The following CCDC88A variants were observed in gnomAD, a reference collection of about 807,000 sequenced individuals.
CCDC88A encodes the protein girdin.
In CCDC88A, 54 loss-of-function variants were observed where a neutral mutation model predicts 234.3. The ratio of observed to expected loss-of-function variants is 0.23; its 90% CI spans 0.19 to 0.29. CCDC88A has a LOEUF of 0.29. Ranked by LOEUF, CCDC88A falls within the 10% of genes least tolerant of loss-of-function variation. The probability of loss-of-function intolerance (pLI) is 1.00; values close to 1 mark genes in which losing one functional copy is unlikely to be tolerated. For missense variants in CCDC88A, 1,832 were observed against 2,123.4 expected (o/e 0.86, Z 2.70); for synonymous variants, 753 against 737.8 (o/e 1.02, Z -0.33).
chr2:55,288,631 C>T lies in CCDC88A; in HGVS notation c.*2569G>A, dbSNP rs1282987685. On this transcript the variant is annotated 3_prime_UTR_variant, in exon 33 of 33. Coordinates refer to ENST00000436346, the MANE Select transcript of CCDC88A (RefSeq NM_001365480.1). ...CCTGTTTTGTGAACTCTTTGGTAAC[C>T]ACCAATTTAAAAATTTGGATGAAAG... 1 of 152,712 alleles carries T rather than the reference C, an allele frequency of 6.5e-6. No homozygotes were observed. Among genetic ancestry groups the T allele is most frequent in the East Asian group, 1.9e-4 (1 of 5,194 alleles). The allele number at this position is 152,712 out of a possible 1,614,324, so 9.5% of individuals were successfully genotyped here. A position where few individuals can be genotyped will look rare whatever the true frequency, so the allele number is the denominator to read the frequency against.
intron 7 of CCDC88A, among the ~76,000 whole-genome samples, chr2:55,358,748 T>G (rs967197369): frequency 6.6e-6 from 1 of 151,894 alleles, no homozygotes; most frequent in African/African-American, 2.4e-5. Flanking sequence ...TCTATGTTCT[T>G]CAAAGATATA....
intron 2 of CCDC88A, chr2:55,417,878 T>G (rs1024020784): frequency 6.6e-6 from 1 of 152,074 alleles, no homozygotes; most frequent in Non-Finnish European, 1.5e-5. Flanking sequence ...CCCATACATA[T>G]AAAAGTTCCA....
chr2:55,330,911 T>TGTTGCCCTTC (rs1684842083), intron 16 of CCDC88A, among the ~76,000 whole-genome samples: 1 of 151,996 alleles, frequency 6.6e-6, no homozygotes, highest in Non-Finnish European at 1.5e-5. Flanking sequence ...GAATGCCCTT[T>TGTTGCCCTTC]CCCACTGTTC....
chr2:55,358,608 C>T (rs148495701), intron 7 of CCDC88A, among the ~76,000 whole-genome samples: 1 of 152,128 alleles, frequency 6.6e-6, no homozygotes, highest in Admixed American at 6.6e-5. Flanking sequence ...CAGTAAATGA[C>T]CTCTCCTCCA....
intron 5 of CCDC88A, among the ~76,000 whole-genome samples, chr2:55,368,292 A>G (rs772944690): frequency 3.9e-5 from 6 of 152,210 alleles, no homozygotes; most frequent in Non-Finnish European, 8.8e-5. Flanking sequence ...ACATATAATC[A>G]AGGATTAAAA....
chr2:55,361,035 G>A (rs538824468), intron 7 of CCDC88A, among the ~76,000 whole-genome samples: 14 of 151,990 alleles, frequency 9.2e-5, no homozygotes, highest in East Asian at 1.9e-4. Context: ...GCAGTGAGCC[G>A]AGACCACACC....
intron 8 of CCDC88A, 117 bp downstream of exon 8, chr2:55,355,462 C>G: frequency 1.2e-6 from 1 of 866,394 alleles, no homozygotes; most frequent in Admixed American, 2.2e-5. Context: ...TTATTTTTCT[C>G]ATTTACTTGT....
intron 3 of CCDC88A, among the ~76,000 whole-genome samples, chr2:55,387,615 C>T (rs1162472609): frequency 6.6e-6 from 1 of 151,686 alleles, no homozygotes; most frequent in South Asian, 2.1e-4. Flanking sequence ...AACCCTGTCT[C>T]TACTGAAAAC....
intron 12 of CCDC88A, 112 bp downstream of exon 12, chr2:55,343,536 G>C: frequency 1.3e-6 from 1 of 759,128 alleles, no homozygotes. Flanking sequence ...TATCTATGGA[G>C]ACAGGTAGTC....
chr2:55,388,687 A>C (rs191150906), intron 3 of CCDC88A, 91 bp downstream of exon 3: 23 of 611,190 alleles, frequency 3.8e-5, no homozygotes, highest in African/African-American at 3.5e-4. Flanking sequence ...GCATATAATA[A>C]GCGTTTAAAT....
chr2:55,291,611 CACTT>C, intron 32 of CCDC88A, 61 bp downstream of exon 32: 2 of 666,170 alleles, frequency 3.0e-6, no homozygotes, highest in South Asian at 4.3e-5. Context: ...ACTTGTTTCA[CACTT>C]AATTTGGTTA....
intron 9 of CCDC88A, among the ~76,000 whole-genome samples, chr2:55,348,131 T>C (rs1669404675): frequency 6.6e-6 from 1 of 151,690 alleles, no homozygotes. Context: ...GTGCAGCTAA[T>C]TTTTTCATTT....
chr2:55,343,851 C>G (rs1296116109), intron 11 of CCDC88A, 59 bp from the exon 12 acceptor site: 3 of 1,316,376 alleles, frequency 2.3e-6, no homozygotes, highest in African/African-American at 3.0e-5. Context: ...CAATTTTGAG[C>G]AAATACTTTA....
intron 2 of CCDC88A, among the ~76,000 whole-genome samples, chr2:55,401,238 T>C (rs1459662601): frequency 6.6e-6 from 1 of 151,264 alleles, no homozygotes; most frequent in Non-Finnish European, 1.5e-5. Context: ...GAGACCAGCC[T>C]GTACAACACA....
intron 22 of CCDC88A, 88 bp downstream of exon 22, chr2:55,315,840 G>C (rs1017227651): frequency 1.4e-5 from 10 of 701,656 alleles, no homozygotes; most frequent in Non-Finnish European, 2.3e-5. Flanking sequence ...ATATATACTA[G>C]TATTGTCATT....
At chr2:55,373,525 CA>C (rs1005839864) in intron 4 of CCDC88A, among the ~76,000 whole-genome samples, 1 of 152,138 alleles carries the variant, frequency 6.6e-6, no homozygotes, top group Non-Finnish European at 1.5e-5. Flanking sequence ...ACATTTGGTA[CA>C]TATTTTTACT....
chr2:55,396,091 G>A (rs765122201), intron 2 of CCDC88A, among the ~76,000 whole-genome samples: 1 of 151,498 alleles, frequency 6.6e-6, no homozygotes, highest in Non-Finnish European at 1.5e-5. Context: ...TTCTTGTCTG[G>A]TATCTTTTTT....
At chr2:55,360,815 C>A (rs1358133428) in intron 7 of CCDC88A, among the ~76,000 whole-genome samples, 1 of 152,172 alleles carries the variant, frequency 6.6e-6, no homozygotes, top group Non-Finnish European at 1.5e-5. Context: ...AGGTTGGGTG[C>A]AGTGGCTCAC....
At chr2:55,329,361 G>T (rs1024231895) in intron 16 of CCDC88A, 1 of 152,114 alleles carries the variant, frequency 6.6e-6, no homozygotes, top group Non-Finnish European at 1.5e-5. Context: ...ATGTATATGA[G>T]AGTTTCACCA....
Sources: gnomAD v4.1 joint callset for allele counts (sites outside exome capture counted in the v4.1 genomes callset) on GRCh38, gnomAD v4.1.1 for gene constraint, MANE v1.5 for transcripts, NCBI Gene and HGNC (gene_info 2026-07-23, HGNC 2026-07-21) for gene names.